SMC5: variants seen among roughly 807,000 people sequenced by gnomAD.
SMC5 encodes structural maintenance of chromosomes 5.
In SMC5, 88 loss-of-function variants were observed where a neutral mutation model predicts 148.3. The observed-to-expected ratio is 0.59, with a 90% CI of 0.50 to 0.71. The LOEUF is 0.71. SMC5 is among the 30% of genes least tolerant of loss of function. The probability of loss-of-function intolerance (pLI) is 0.00; values close to 1 mark genes in which losing one functional copy is unlikely to be tolerated. For synonymous variants in SMC5, 421 were observed against 432.8 expected (o/e 0.97, Z 0.34); for missense variants, 1,142 against 1,298.9 (o/e 0.88, Z 1.86).
chr9:70,259,167 G>A lies in SMC5; in HGVS notation c.89G>A (p.Ser30Asn). ...AGAGACCCTTCGTCGGAGGTCCCGA[G>A]CAAGAGGAAGAATTCGGCCCCGCAG... ...LPRDPSSEVP[S>N]KRKNSAPQLP... The change falls in exon 1 of 25, where the codon AGC (serine) becomes AAC (asparagine). Residue 30 changes from serine to asparagine, a missense_variant. Physicochemically the swap from Ser to Asn is conservative, Grantham distance 46 (BLOSUM62 1). Transcript: ENST00000361138. 6.2e-7 allele frequency: 1 copy of A among 1,611,502 alleles called. No homozygotes were observed. The highest frequency in any genetic ancestry group is 8.5e-7 in the Non-Finnish European group (1 of 1,178,882).
chr9:70,347,152 G>C lies in SMC5; in HGVS notation c.2655G>C (p.Leu885=). ...CAAGAGCTTCCTGCTTCACGGGACT[G>C]AATCCTACAGTATGCCTGTTTCTCT... ...ERSRASCFTG[L]NPTIVQEYTK... The change falls in exon 20 of 25, where the codon CTG becomes CTC. Residue 885 remains leucine (L), a synonymous_variant. Transcript: ENST00000361138. 1 of 1,613,448 alleles carries C rather than the reference G, an allele frequency of 6.2e-7. No homozygotes were observed. The highest frequency in any genetic ancestry group is 8.5e-7 in the Non-Finnish European group (1 of 1,179,618).
intron 5 of SMC5, among the ~76,000 whole-genome samples, chr9:70,279,973 CTG>C (rs2034706653): frequency 6.6e-6 from 1 of 152,074 alleles, no homozygotes; most frequent in African/African-American, 2.4e-5. Context: ...TTCTCTTAAA[CTG>C]TGACTTTATA....
At position 70,308,953 on chromosome 9, in the gene SMC5, A is replaced by G. The variant is rs528544770; in HGVS notation, c.1578+3593A>G. On this transcript the variant is annotated intron_variant, in intron 11 of 24. Transcript: ENST00000361138. ...AGCAAATATTGCCATAAAGCAAGTC[A>G]TACAAACTTTTTGGCTTCCCAGTAT... is the stretch of plus-strand genomic sequence containing the variant. 3.9e-5 allele frequency among the ~76,000 whole-genome samples: 6 copies of G among 152,336 alleles called. No homozygotes were observed. The South Asian group carries it at 8.3e-4, about 21-fold the overall frequency.
Position 70,324,028 on chromosome 9 carries a change from C to G in SMC5, c.2282C>G (p.Thr761Ser). The G allele has an allele frequency of 6.4e-7, 1 of 1,555,378 alleles. No individual in the cohort carries two copies. The highest frequency in any genetic ancestry group is 8.6e-7 in the Non-Finnish European group (1 of 1,159,314). ...TELTNLIKICTSLHIQKVDLI... is the reference protein window; with the variant it reads ...TELTNLIKICSSLHIQKVDLI... The stretch of plus-strand genomic sequence containing the variant: ...AGGGGTTTTTGTTCCTAGATTTGTA[C>G]TTCTTTGCATATACAAAAAGTAGAT... Residue 761 changes from threonine to serine, a missense_variant, in exon 17 of 25, where the codon ACT (threonine) becomes AGT (serine). Around this residue, in one of 5 missense-constraint regions of SMC5, gnomAD observed 743 missense variants for 835.7 expected, o/e 0.89. Coordinates refer to ENST00000361138, the MANE Select transcript of SMC5 (RefSeq NM_015110.4).
At chr9:70,343,417 G>A (rs1302657010) in intron 17 of SMC5, among the ~76,000 whole-genome samples, 1 of 152,126 alleles carries the variant, frequency 6.6e-6, no homozygotes, top group Non-Finnish European at 1.5e-5. Context: ...TACATGGAAG[G>A]TACTTGGAAA....
chr9:70,264,331 T>C lies in SMC5; in HGVS notation c.213T>C (p.Pro71=), dbSNP rs34812557. The change falls in exon 2 of 25, where the codon CCT becomes CCC. Residue 71 remains proline (P), a synonymous_variant. Coordinates refer to ENST00000361138, the MANE Select transcript of SMC5 (RefSeq NM_015110.4). ...CATATGATATTTGTGAAGTATCTCC[T>C]GGACCCCACTTGAATATGATCGTTG... ...FLTYDICEVS[P]GPHLNMIVGA... The C allele has an allele frequency of 8.1e-5, 130 of 1,613,914 alleles. No individual in the cohort carries two copies. In the African/African-American group the frequency reaches 1.5e-3, roughly 19 times the overall value.
chr9:70,325,044 A>G (rs1267996031), intron 17 of SMC5, among the ~76,000 whole-genome samples: 1 of 152,100 alleles, frequency 6.6e-6, no homozygotes, highest in Non-Finnish European at 1.5e-5. Context: ...ATGGTTGTTG[A>G]TTGAATCATT....
intron 9 of SMC5, among the ~76,000 whole-genome samples, chr9:70,298,682 C>A (rs2035274275): frequency 6.7e-6 from 1 of 150,156 alleles, no homozygotes; most frequent in Admixed American, 6.6e-5. Flanking sequence ...TGACTAAGAT[C>A]AGTTTAAAAA....
chr9:70,310,070 A>G (rs1399790857), intron 11 of SMC5, among the ~76,000 whole-genome samples: 1 of 152,014 alleles, frequency 6.6e-6, no homozygotes, highest in Admixed American at 6.6e-5. Context: ...CTGGCCTCAA[A>G]CTCCTGACCT....
intron 22 of SMC5, among the ~76,000 whole-genome samples, chr9:70,348,770 A>G (rs1340412262): frequency 1.3e-5 from 2 of 152,148 alleles, no homozygotes; most frequent in Non-Finnish European, 2.9e-5. Flanking sequence ...CTGTAAGTTT[A>G]TGCATTGCAA....
chr9:70,340,473 G>A (rs2036490177), intron 17 of SMC5, among the ~76,000 whole-genome samples: 1 of 151,808 alleles, frequency 6.6e-6, no homozygotes, highest in African/African-American at 2.4e-5. Context: ...CTTTCTAAAT[G>A]AATGATTTTT....
intron 9 of SMC5, among the ~76,000 whole-genome samples, chr9:70,299,787 T>TTTTGTTTG (rs148752315): frequency 6.6e-6 from 1 of 151,538 alleles, no homozygotes; most frequent in African/African-American, 2.4e-5. Context: ...TTGTGGGTTT[T>TTTTGTTTG]TTTGTTTGTT....
intron 9 of SMC5, 122 bp downstream of exon 9, chr9:70,298,343 C>G: frequency 1.9e-6 from 2 of 1,064,882 alleles, no homozygotes; most frequent in Non-Finnish European, 2.6e-6. Context: ...TGAGGAAGCT[C>G]AACTCAGTTC....
chr9:70,328,088 C>T (rs1255521120), intron 17 of SMC5, among the ~76,000 whole-genome samples: 1 of 152,114 alleles, frequency 6.6e-6, no homozygotes, highest in African/African-American at 2.4e-5. Context: ...AATCACCTCC[C>T]ACCAAGATCC....
chr9:70,337,654 G>A (rs534116878), intron 17 of SMC5, among the ~76,000 whole-genome samples: 10 of 151,748 alleles, frequency 6.6e-5, no homozygotes, highest in Non-Finnish European at 1.0e-4. Flanking sequence ...AGTAGAGATC[G>A]TGTTTCACCA....
At chr9:70,314,876 T>TA in intron 12 of SMC5, 40 bp downstream of exon 12, 1 of 1,138,502 alleles carries the variant, frequency 8.8e-7, no homozygotes, top group Non-Finnish European at 1.3e-6. Context: ...AAATATTGAA[T>TA]TATTCAACAT....
At chr9:70,264,165 A>G (rs2034211528) in intron 1 of SMC5, 139 bp from the exon 2 acceptor site, 4 of 645,850 alleles carry the variant, frequency 6.2e-6, no homozygotes, top group Non-Finnish European at 9.5e-6. Context: ...AAAGTTGTTT[A>G]TTAAAAACCT....
chr9:70,262,642 A>C (rs1180099), intron 1 of SMC5, among the ~76,000 whole-genome samples: 22,160 of 152,230 alleles, frequency 0.15, 1,896 homozygotes, highest in African/African-American at 0.23. Context: ...GGGACATTCA[A>C]ATAGCGTTAT....
chr9:70,304,761 G>A (rs1239868729), intron 10 of SMC5, among the ~76,000 whole-genome samples: 1 of 151,696 alleles, frequency 6.6e-6, no homozygotes, highest in Admixed American at 6.6e-5. Flanking sequence ...GGCTTCTCTT[G>A]AGGGCTGTAA....
Sources: gnomAD v4.1 joint callset for allele counts (sites outside exome capture counted in the v4.1 genomes callset) on GRCh38, gnomAD v4.1.1 for gene constraint, gnomAD v4.1.1 regional missense constraint, MANE v1.5 for transcripts, NCBI Gene and HGNC (gene_info 2026-07-23, HGNC 2026-07-21) for gene names.